The following PITPNC1 variants were observed in gnomAD, a reference collection of about 807,000 sequenced individuals.
PITPNC1 encodes cytoplasmic phosphatidylinositol transfer protein 1.
Under a neutral mutation model 44.7 loss-of-function variants are expected in PITPNC1, and 18 were observed. The ratio of observed to expected loss-of-function variants is 0.40; its 90% CI spans 0.28 to 0.60. The LOEUF (loss-of-function observed/expected upper bound fraction) is 0.60, where lower values mean the gene tolerates loss of function less well. Among genes scored for constraint, PITPNC1 ranks in the 20% least tolerant of loss-of-function variants. PITPNC1 has a pLI of 0.39. For missense variants in PITPNC1, 290 were observed against 418.4 expected (o/e 0.69, Z 2.68); for synonymous variants, 141 against 149.6 (o/e 0.94, Z 0.42).
chr17:67,461,527 A>G (rs1433213160), intron 1 of PITPNC1, among the ~76,000 whole-genome samples: 2 of 152,168 alleles, frequency 1.3e-5, no homozygotes, highest in Non-Finnish European at 2.9e-5. Flanking sequence ...GTTGTGTTGG[A>G]GGGTGATGAA....
chr17:67,665,553 T>C (rs2042410043), intron 6 of PITPNC1, among the ~76,000 whole-genome samples: 2 of 152,238 alleles, frequency 1.3e-5, no homozygotes, highest in Admixed American at 1.3e-4. Context: ...TCACAATGTA[T>C]GAGGGTTCCA....
At chr17:67,571,897 A>G (rs2041062308) in intron 4 of PITPNC1, among the ~76,000 whole-genome samples, 1 of 152,148 alleles carries the variant, frequency 6.6e-6, no homozygotes, top group African/African-American at 2.4e-5. Flanking sequence ...ACAGCCCATC[A>G]TATCCCCAGG....
chr17:67,530,005 A>C (rs1467624263), intron 1 of PITPNC1, among the ~76,000 whole-genome samples: 1 of 152,020 alleles, frequency 6.6e-6, no homozygotes, highest in Non-Finnish European at 1.5e-5. Flanking sequence ...TAGAAGTTTG[A>C]AATCAAAGTG....
chr17:67,387,144 G>C (rs1275814735), intron 1 of PITPNC1, among the ~76,000 whole-genome samples: 1 of 152,242 alleles, frequency 6.6e-6, no homozygotes, highest in African/African-American at 2.4e-5. Context: ...TCGCAGGGCT[G>C]CACACCGCCA....
chr17:67,585,607 A>C (rs1442915704), intron 5 of PITPNC1, among the ~76,000 whole-genome samples: 2 of 152,134 alleles, frequency 1.3e-5, no homozygotes, highest in African/African-American at 4.8e-5. Context: ...GTTCAAGACC[A>C]GCCTGAGCAA....
chr17:67,471,486 T>C, intron 1 of PITPNC1: 1 of 345,426 alleles, frequency 2.9e-6, no homozygotes, highest in Non-Finnish European at 5.6e-6. Context: ...TTTAAACTTT[T>C]TATTTTATTA....
chr17:67,494,195 TTC>T (rs2039906448), intron 1 of PITPNC1, among the ~76,000 whole-genome samples: 1 of 144,174 alleles, frequency 6.9e-6, no homozygotes, highest in South Asian at 2.2e-4. Context: ...TTTTCTTTCT[TTC>T]TTTCTTTCTT....
At chr17:67,470,593 C>G (rs954989663) in intron 1 of PITPNC1, among the ~76,000 whole-genome samples, 207 of 152,264 alleles carry the variant, frequency 1.4e-3, no homozygotes, top group Non-Finnish European at 1.9e-3. Flanking sequence ...GGTCAGCCCC[C>G]CTGCCCGGCC....
At chr17:67,601,585 T>C (rs887145185) in intron 5 of PITPNC1, among the ~76,000 whole-genome samples, 3 of 151,620 alleles carry the variant, frequency 2.0e-5, no homozygotes, top group African/African-American at 4.8e-5. Flanking sequence ...ACCCCATCTC[T>C]ACAAAAAAAA....
intron 2 of PITPNC1, among the ~76,000 whole-genome samples, chr17:67,542,869 T>A (rs908796713): frequency 5.3e-5 from 8 of 152,200 alleles, no homozygotes; most frequent in Non-Finnish European, 8.8e-5. Flanking sequence ...CTCCAGTTAA[T>A]GTGGAAATGA....
At chr17:67,630,710 A>G (rs1052323156) in intron 5 of PITPNC1, among the ~76,000 whole-genome samples, 1 of 151,576 alleles carries the variant, frequency 6.6e-6, no homozygotes, top group African/African-American at 2.4e-5. Flanking sequence ...TTCCACTGAA[A>G]TTTAGACTTT....
chr17:67,635,205 T>C (rs775728563), intron 6 of PITPNC1, among the ~76,000 whole-genome samples: 1 of 152,202 alleles, frequency 6.6e-6, no homozygotes, highest in Non-Finnish European at 1.5e-5. Context: ...CCAAGGTCAC[T>C]ATTGTGATTT....
At chr17:67,416,806 C>T (rs1045640084) in intron 1 of PITPNC1, among the ~76,000 whole-genome samples, 3 of 152,044 alleles carry the variant, frequency 2.0e-5, no homozygotes, top group Non-Finnish European at 4.4e-5. Flanking sequence ...AGCATTCTCT[C>T]TGTCTCTCTT....
At chr17:67,650,441 C>CTTTTTTTTTTT (rs34611864) in intron 6 of PITPNC1, among the ~76,000 whole-genome samples, 1 of 70,994 alleles carries the variant, frequency 1.4e-5, no homozygotes, top group Non-Finnish European at 2.4e-5. Flanking sequence ...AAACCATAGG[C>CTTTTTTTTTTT]TTTTTTTTTT....
intron 5 of PITPNC1, among the ~76,000 whole-genome samples, chr17:67,624,061 A>C (rs1238007696): frequency 2.0e-5 from 3 of 152,100 alleles, no homozygotes; most frequent in Admixed American, 6.6e-5. Flanking sequence ...GATTTACCTT[A>C]ATTTATTTGG....
intron 1 of PITPNC1, among the ~76,000 whole-genome samples, chr17:67,440,725 T>G (rs1235021534): frequency 6.6e-6 from 1 of 151,398 alleles, no homozygotes; most frequent in Non-Finnish European, 1.5e-5. Flanking sequence ...AAAATTTTTT[T>G]TATAGGGATA....
intron 1 of PITPNC1, among the ~76,000 whole-genome samples, chr17:67,510,478 T>G (rs2040170412): frequency 6.6e-6 from 1 of 152,238 alleles, no homozygotes; most frequent in Non-Finnish European, 1.5e-5. Context: ...TTGGTTGCCT[T>G]TCTCAGTTCC....
intron 1 of PITPNC1, among the ~76,000 whole-genome samples, chr17:67,469,125 T>C (rs1568002156): frequency 6.6e-6 from 1 of 152,174 alleles, no homozygotes; most frequent in Non-Finnish European, 1.5e-5. Context: ...ATAAAGACCA[T>C]ACTAATTGTA....
At chr17:67,497,212 T>C (rs1358709851) in intron 1 of PITPNC1, among the ~76,000 whole-genome samples, 2 of 151,912 alleles carry the variant, frequency 1.3e-5, no homozygotes, top group Non-Finnish European at 2.9e-5. Context: ...AGACATATTA[T>C]TATAAACCTC....
Sources: gnomAD v4.1 joint callset for allele counts (sites outside exome capture counted in the v4.1 genomes callset) on GRCh38, gnomAD v4.1.1 for gene constraint, MANE v1.5 for transcripts, NCBI Gene and HGNC (gene_info 2026-07-23, HGNC 2026-07-21) for gene names.